TBPL2: variants seen among roughly 807,000 people sequenced by gnomAD.
The protein encoded by TBPL2 is TATA-box binding protein like 2, also known as TATA box-binding protein-like 2.
A neutral mutation model predicts 38.2 loss-of-function variants in TBPL2; 40 were observed. The observed-to-expected ratio is 1.05, with a 90% confidence interval of 0.81 to 1.36. TBPL2 has a LOEUF of 1.36. Among genes scored for constraint, TBPL2 ranks in the 40% most tolerant of loss-of-function variants. The probability of loss-of-function intolerance (pLI) is 0.00; values close to 1 mark genes in which losing one functional copy is unlikely to be tolerated. For missense variants in TBPL2, 461 were observed against 456.7 expected, an observed-to-expected ratio of 1.01 and a Z score of -0.09; for synonymous variants, 169 against 171.7, an observed-to-expected ratio of 0.98 and a Z score of 0.12.
chr14:55,416,101 G>T (rs886231215), intron 6 of TBPL2, among the ~76,000 whole-genome samples: 1 of 152,122 alleles, frequency 6.6e-6, no homozygotes, highest in Non-Finnish European at 1.5e-5. Flanking sequence ...GGAATGGGGG[G>T]AATGGTTTAA....
intron 6 of TBPL2, among the ~76,000 whole-genome samples, chr14:55,416,213 G>T (rs1885666296): frequency 6.6e-6 from 1 of 152,186 alleles, no homozygotes; most frequent in Admixed American, 6.5e-5. Context: ...CCACTGAACT[G>T]TTCACTTTAA....
intron 5 of TBPL2, among the ~76,000 whole-genome samples, chr14:55,428,350 C>A (rs959285799): frequency 6.6e-6 from 1 of 151,916 alleles, no homozygotes; most frequent in Non-Finnish European, 1.5e-5. Context: ...AGGATGGTCT[C>A]GATCTCCTGA....
At chr14:55,429,115 T>C (rs958008935) in intron 4 of TBPL2, 141 bp from the exon 5 acceptor site, 5 of 984,142 alleles carry the variant, frequency 5.1e-6, no homozygotes. Context: ...GAGGAGGACT[T>C]ACTTCCCATA....
intron 6 of TBPL2, 64 bp downstream of exon 6, chr14:55,424,095 G>A (rs1885784136): frequency 8.6e-7 from 1 of 1,156,872 alleles, no homozygotes; most frequent in Admixed American, 1.9e-5. Context: ...GTATTTAAAA[G>A]AATAAGCAAA....
chr14:55,428,348 C>G (rs1885866326), intron 5 of TBPL2, among the ~76,000 whole-genome samples: 1 of 151,950 alleles, frequency 6.6e-6, no homozygotes, highest in African/African-American at 2.4e-5. Context: ...CCAGGATGGT[C>G]TCGATCTCCT....
At chr14:55,418,831 G>C (rs1885704331) in intron 6 of TBPL2, among the ~76,000 whole-genome samples, 2 of 152,212 alleles carry the variant, frequency 1.3e-5, no homozygotes, top group Admixed American at 1.3e-4. Context: ...AAAACCAGGA[G>C]AGTGTGTTTT....
rs71131266 is a variant in TBPL2, at chr14:55,429,766, CAAAAAAAAAAA to C, written c.789-803_789-793del. 7.8e-3 allele frequency among the ~76,000 whole-genome samples: 408 copies of C among 52,388 alleles called. 2 individuals carry two copies. The highest frequency in any genetic ancestry group is 0.031 in the African/African-American group (335 of 10,772). 34.4% of individuals were successfully genotyped at this position (52,388 alleles called of 152,430 possible). A position where few individuals can be genotyped will look rare whatever the true frequency, so the allele number is the denominator to read the frequency against. ...AGGCAACAAGAGTGAAACTCCGTCT[CAAAAAAAAAAA>C]AAAAAAAAAAAAGAAAACAACAAGA... On this transcript the variant is annotated intron_variant, in intron 4 of 6. Transcript: ENST00000247219.
At position 55,436,718 on chromosome 14, in the gene TBPL2, A is replaced by G. The variant is rs1009408901; in HGVS notation, c.451T>C (p.Leu151=). 30 of 1,614,122 alleles carry G rather than the reference A, an allele frequency of 1.9e-5. No individual in the cohort carries two copies. In the Middle Eastern group the frequency reaches 4.9e-4, roughly 27 times the overall value. Residue 151 remains leucine, a synonymous_variant, in exon 2 of 7, where the codon TTG becomes CTG. Coordinates refer to ENST00000247219, the Ensembl canonical transcript of TBPL2. ...TGCAGCTGTGAATGGGAATTTGACA[A>G]ACTGCTGCTGTTTAAGCCCAGCCCA...
At chr14:55,435,411 G>T (rs1040986395) in intron 3 of TBPL2, among the ~76,000 whole-genome samples, 3 of 150,828 alleles carry the variant, frequency 2.0e-5, no homozygotes, top group African/African-American at 4.9e-5. Flanking sequence ...GAGTAGCTGG[G>T]ATTACAGGCA....
chr14:55,432,086 A>G (rs1305168522), intron 4 of TBPL2, among the ~76,000 whole-genome samples: 1 of 152,178 alleles, frequency 6.6e-6, no homozygotes, highest in African/African-American at 2.4e-5. Context: ...TAAAATGAGT[A>G]TACCCTTCAA....
chr14:55,419,929 T>G (rs1885717566), intron 6 of TBPL2, among the ~76,000 whole-genome samples: 1 of 152,226 alleles, frequency 6.6e-6, no homozygotes, highest in Non-Finnish European at 1.5e-5. Flanking sequence ...AGAACATCTC[T>G]GTAGAGTACC....
At chr14:55,426,770 G>A (rs1212016517) in intron 5 of TBPL2, among the ~76,000 whole-genome samples, 2 of 152,126 alleles carry the variant, frequency 1.3e-5, no homozygotes, top group African/African-American at 2.4e-5. Context: ...ACTGTCCCAG[G>A]AGGAAGATAG....
rs181406228 is a variant in TBPL2, at chr14:55,423,849, T to C, written c.1051+310A>G. ...TTAACCCCTGTGTTAGGACCTTGTG[T>C]GGCCATTAAAAGCCTTTATGAAGAG... On this transcript the variant is annotated intron_variant, in intron 6 of 6. Coordinates refer to ENST00000247219, the Ensembl canonical transcript of TBPL2. Among the ~76,000 whole-genome samples, 1,000 of 152,350 alleles carry C rather than the reference T, an allele frequency of 6.6e-3. 7 individuals are homozygous for C. The highest frequency in any genetic ancestry group is 0.015 in the Admixed American group (223 of 15,300).
intron 5 of TBPL2, among the ~76,000 whole-genome samples, chr14:55,427,026 C>G (rs887044727): frequency 1.3e-5 from 2 of 152,188 alleles, no homozygotes; most frequent in East Asian, 3.8e-4. Context: ...GGGCAGAGCT[C>G]TTGCAGATGT....
intron 1 of TBPL2, chr14:55,438,846 G>A (rs192150657): frequency 1.5e-4 from 22 of 151,028 alleles, no homozygotes; most frequent in Admixed American, 1.3e-3. Flanking sequence ...TTAAATGCTA[G>A]GGAAAGTCAC....
chr14:55,417,295 G>C (rs1885682876), intron 6 of TBPL2, among the ~76,000 whole-genome samples: 2 of 152,034 alleles, frequency 1.3e-5, no homozygotes, highest in Admixed American at 1.3e-4. Flanking sequence ...TTGTTAAAAT[G>C]AGGGGATTTG....
At chr14:55,426,615 C>G (rs151178177) in intron 5 of TBPL2, among the ~76,000 whole-genome samples, 1 of 151,974 alleles carries the variant, frequency 6.6e-6, no homozygotes, top group African/African-American at 2.4e-5. Context: ...TAATCCATAA[C>G]CTGAGGCTGA....
At chr14:55,429,526 G>C (rs1885888965) in intron 4 of TBPL2, among the ~76,000 whole-genome samples, 1 of 152,210 alleles carries the variant, frequency 6.6e-6, no homozygotes, top group Non-Finnish European at 1.5e-5. Context: ...CACTTTGGGA[G>C]GCTGAGGCAG....
At chr14:55,440,598 G>C in exon 1 of TBPL2, 1 of 1,515,454 alleles carries the variant, frequency 6.6e-7, no homozygotes, top group East Asian at 2.3e-5. Flanking sequence ...GGTTCCTGCA[G>C]AGGGCGCGAG....
Sources: allele counts gnomAD v4.1 joint callset (sites outside exome capture counted in the v4.1 genomes callset), GRCh38; gene constraint gnomAD v4.1.1; transcripts MANE v1.5; gene names NCBI Gene and HGNC (gene_info 2026-07-23, HGNC 2026-07-21).